The following LHCGR variants were observed in gnomAD, a reference collection of about 807,000 sequenced individuals.
LHCGR encodes the protein luteinizing hormone/choriogonadotropin receptor.
Under a neutral mutation model 60.7 loss-of-function variants are expected in LHCGR, and 55 were observed. The ratio of observed to expected loss-of-function variants is 0.91; its 90% CI spans 0.73 to 1.13. The LOEUF is 1.13. Among genes scored for constraint, LHCGR ranks in the 50% most tolerant of loss-of-function variants. The pLI is 0.00. For synonymous variants in LHCGR, 337 were observed against 316.5 expected (o/e 1.06, Z -0.69); for missense variants, 862 against 836.0 (o/e 1.03, Z -0.38).
At chr2:48,733,728 T>C (rs760691249) in intron 1 of LHCGR, among the ~76,000 whole-genome samples, 10 of 151,738 alleles carry the variant, frequency 6.6e-5, no homozygotes, top group Non-Finnish European at 1.3e-4. Context: ...AATGTGGTCC[T>C]GTGAATCGAA....
In LHCGR at chr2:48,688,635, G is replaced by A. The variant is rs780828027; in HGVS notation, c.1162C>T (p.Arg388Cys). ...AAACGAGGCACTGTAAGTTTGTAAC[G>A]ACTTGTCAGGAGAACAAAAAGAACA... ...MTVLFVLLTSRYKLTVPRFLM... is the reference protein window; with the variant it reads ...MTVLFVLLTSCYKLTVPRFLM... The change falls in exon 11 of 11, where the codon CGT becomes TGT. Residue 388 changes from arginine (R) to cysteine (C), a missense_variant. Transcript: ENST00000294954. This position sits in a 1 kb window ranked among gnomAD's most constrained non-coding sequence, Gnocchi z 5.2. 30 of 1,614,114 alleles carry A rather than the reference G, an allele frequency of 1.9e-5. No individual in the cohort carries two copies. Among genetic ancestry groups the A allele is most frequent in the Admixed American group, 5.0e-5 (3 of 60,010 alleles).
chr2:48,728,814 T>A (rs868225496), intron 3 of LHCGR, among the ~76,000 whole-genome samples: 1 of 152,238 alleles, frequency 6.6e-6, no homozygotes, highest in East Asian at 1.9e-4. Context: ...CAATTTATGA[T>A]CTCTAAGCTC....
In LHCGR at chr2:48,733,173, T is replaced by G. The variant is rs74974457; in HGVS notation, c.162-1875A>C. On this transcript the variant is annotated intron_variant, in intron 1 of 10. Coordinates refer to ENST00000294954, the MANE Select transcript of LHCGR (RefSeq NM_000233.4). ...ATTCTGATTCCAGAATCTTTATTGC[T>G]GGGGATAATGCAGTGCAGAACATAT... 1,652 of 348,768 alleles carry G rather than the reference T, an allele frequency of 4.7e-3. 21 individuals carry two copies. The highest frequency in any genetic ancestry group is 0.033 in the African/African-American group (1,563 of 46,704). 21.6% of individuals were successfully genotyped at this position (348,768 alleles called of 1,614,324 possible). A position where few individuals can be genotyped will look rare whatever the true frequency, so the allele number is the denominator to read the frequency against.
chr2:48,713,967 G>T lies in LHCGR; in HGVS notation c.605+19C>A, dbSNP rs202213578. On this transcript the variant is annotated intron_variant, in intron 7 of 10. Transcript: ENST00000294954. ...ATTTCATTTTTATTCCTGAGCTGGG[G>T]AAATAAGCAAATACTTACAGTGAAG... is the stretch of plus-strand genomic sequence containing the variant. The T allele has an allele frequency of 1.2e-5, 18 of 1,558,694 alleles. No individual in the cohort carries two copies. The highest frequency in any genetic ancestry group is 1.6e-5 in the Non-Finnish European group (18 of 1,129,646).
chr2:48,753,275 C>A (rs1670059411), intron 1 of LHCGR, among the ~76,000 whole-genome samples: 1 of 152,192 alleles, frequency 6.6e-6, no homozygotes, highest in East Asian at 1.9e-4. Flanking sequence ...CTTGAAGTAA[C>A]AACCCTCCCT....
chr2:48,704,852 A>T (rs1303137208), intron 8 of LHCGR, among the ~76,000 whole-genome samples: 2 of 152,084 alleles, frequency 1.3e-5, no homozygotes, highest in African/African-American at 2.4e-5. Context: ...TCCTGGATTC[A>T]TTGATTTTTT....
intron 1 of LHCGR, among the ~76,000 whole-genome samples, chr2:48,746,989 G>A (rs1286116985): frequency 6.7e-6 from 1 of 148,674 alleles, no homozygotes; most frequent in Non-Finnish European, 1.5e-5. Flanking sequence ...CATTAAAAGC[G>A]CCTCTTTCCC....
chr2:48,689,602 G>A (rs1169903024), intron 10 of LHCGR, among the ~76,000 whole-genome samples: 1 of 152,198 alleles, frequency 6.6e-6, no homozygotes, highest in African/African-American at 2.4e-5. Context: ...AGGGGTATGA[G>A]TCAAAGACAG....
chr2:48,704,577 G>A (rs1667571765), intron 8 of LHCGR, among the ~76,000 whole-genome samples: 1 of 152,140 alleles, frequency 6.6e-6, no homozygotes, highest in Admixed American at 6.5e-5. Context: ...ACCTGTTATT[G>A]GTCTATTCAG....
At chr2:48,754,869 T>G (rs1670134923) in intron 1 of LHCGR, among the ~76,000 whole-genome samples, 1 of 152,080 alleles carries the variant, frequency 6.6e-6, no homozygotes, top group Non-Finnish European at 1.5e-5. Flanking sequence ...ATACAATCCC[T>G]CAATCAGGCC....
intron 1 of LHCGR, among the ~76,000 whole-genome samples, chr2:48,734,706 G>T (rs919197682): frequency 2.6e-5 from 4 of 152,180 alleles, no homozygotes; most frequent in South Asian, 2.1e-4. Context: ...AAGCCAAGGA[G>T]AACTGAGGGC....
At chr2:48,733,861 T>G (rs865920669) in intron 1 of LHCGR, among the ~76,000 whole-genome samples, 1 of 152,212 alleles carries the variant, frequency 6.6e-6, no homozygotes, top group African/African-American at 2.4e-5. Flanking sequence ...AATTTATTAA[T>G]AAAGTTTATG....
rs1352153165 is a variant in LHCGR at position 48,687,406 on chromosome 2, ACCT to A, written c.*288_*290del. On this transcript the variant is annotated 3_prime_UTR_variant, in exon 11 of 11. Transcript: ENST00000294954. ...AAATGAAAAAAAAGATATGCAAAATACCTCCTCAGTTTTTTAAAAGATTCATCA... is the reference window on the plus strand; with the variant it reads ...AAATGAAAAAAAAGATATGCAAAATACCTCAGTTTTTTAAAAGATTCATCA... The A allele has an allele frequency of 1.2e-5, 4 of 347,494 alleles. No homozygotes were observed. Among genetic ancestry groups the A allele is most frequent in the Non-Finnish European group, 2.1e-5 (4 of 190,778 alleles). The allele number at this position is 347,494 out of a possible 1,614,324, so 21.5% of individuals were successfully genotyped here. A position where few individuals can be genotyped will look rare whatever the true frequency, so the allele number is the denominator to read the frequency against.
intron 2 of LHCGR, 70 bp from the exon 3 acceptor site, chr2:48,729,297 G>A (rs928619018): frequency 8.5e-7 from 1 of 1,174,566 alleles, no homozygotes; most frequent in Non-Finnish European, 1.3e-6. Flanking sequence ...ATGATTATGA[G>A]CTATGTGTGT....
intron 8 of LHCGR, among the ~76,000 whole-genome samples, chr2:48,702,960 C>T (rs1054129347): frequency 2.0e-5 from 3 of 152,198 alleles, no homozygotes; most frequent in African/African-American, 7.2e-5. Flanking sequence ...TAATGATTGC[C>T]ATTCTAACTG....
At chr2:48,753,301 C>A (rs1670061005) in intron 1 of LHCGR, among the ~76,000 whole-genome samples, 1 of 152,190 alleles carries the variant, frequency 6.6e-6, no homozygotes, top group Non-Finnish European at 1.5e-5. Context: ...TAACATGCAC[C>A]TCTCTTGTCA....
intron 9 of LHCGR, among the ~76,000 whole-genome samples, chr2:48,696,329 C>T (rs1057315212): frequency 1.3e-5 from 2 of 152,204 alleles, no homozygotes; most frequent in African/African-American, 4.8e-5. Context: ...AGGACAGGCT[C>T]AGAAGGGACT....
intron 6 of LHCGR, among the ~76,000 whole-genome samples, chr2:48,714,415 G>T (rs1035570153): frequency 3.9e-5 from 6 of 152,012 alleles, no homozygotes; most frequent in Non-Finnish European, 8.8e-5. Context: ...TTTGCAGGCC[G>T]GTGTGGGCAT....
intron 10 of LHCGR, among the ~76,000 whole-genome samples, chr2:48,689,337 A>T (rs1334115139): frequency 6.6e-6 from 1 of 152,178 alleles, no homozygotes; most frequent in Non-Finnish European, 1.5e-5. Context: ...GCATTTTCTT[A>T]ACTATTTATC....
Sources: gnomAD v4.1 joint callset for allele counts (sites outside exome capture counted in the v4.1 genomes callset) on GRCh38, gnomAD v4.1.1 for gene constraint, Gnocchi (gnomAD v3.1) non-coding constraint, MANE v1.5 for transcripts, NCBI Gene and HGNC (gene_info 2026-07-23, HGNC 2026-07-21) for gene names.